Variants in RC3H2 observed in about 807,000 individuals in gnomAD.
RC3H2 encodes the protein ring finger and CCCH-type domains 2, also known as roquin-2.
RC3H2 carries 31 observed loss-of-function variants against 133.3 expected under a neutral mutation model. The ratio of observed to expected loss-of-function variants is 0.23; its 90% CI spans 0.17 to 0.31. RC3H2 has a LOEUF of 0.31. Among genes scored for constraint, RC3H2 ranks in the 10% least tolerant of loss-of-function variants. The probability of loss-of-function intolerance (pLI) is 1.00; values close to 1 mark genes in which losing one functional copy is unlikely to be tolerated. For missense variants in RC3H2, 1,175 were observed against 1,437.2 expected (o/e 0.82, Z 2.95); for synonymous variants, 517 against 502.2 (o/e 1.03, Z -0.40).
At chr9:122,874,939 G>T in intron 9 of RC3H2, 1 of 434,200 alleles carries the variant, frequency 2.3e-6, no homozygotes, top group Non-Finnish European at 4.1e-6. Context: ...AGAAGAAAAT[G>T]GATTTTCAGC....
chr9:122,870,399 AACAAACAAACAAAC>A (rs1231818429), intron 9 of RC3H2, among the ~76,000 whole-genome samples: 3 of 132,870 alleles, frequency 2.3e-5, no homozygotes, highest in Non-Finnish European at 3.2e-5. Flanking sequence ...CAAACAAACA[AACAAACAAACAAAC>A]AAAAAAAAAA....
rs1292086768 is a variant in RC3H2 at position 122,860,013 on chromosome 9, T to C, written c.1753A>G (p.Arg585Gly). The change falls in exon 11 of 21, where the codon AGA becomes GGA. Residue 585 changes from arginine (R) to glycine (G), a missense_variant. Physicochemically the swap from Arg to Gly is moderately radical, Grantham distance 125. Around this residue, in one of 8 missense-constraint regions of RC3H2, gnomAD observed 490 missense variants for 492.8 expected, o/e 0.99. Transcript: ENST00000357244. Reference sequence around the variant, plus strand: ...GAATGCGGAGGATATACTGGTACTCTAGTTAGAAATGGGCTGGATTTTTGA... The same window carrying C: ...GAATGCGGAGGATATACTGGTACTCCAGTTAGAAATGGGCTGGATTTTTGA... ...VPQKSSPFLT[R>G]VPVYPPHSEN... is the part of the protein sequence containing the mutation. The C allele has an allele frequency of 6.2e-7, 1 of 1,614,124 alleles. No individual in the cohort carries two copies. The highest frequency in any genetic ancestry group is 1.7e-5 in the Admixed American group (1 of 60,020).
At chr9:122,867,253 G>A (rs2487385) in intron 9 of RC3H2, among the ~76,000 whole-genome samples, 17 of 99,960 alleles carry the variant, frequency 1.7e-4, no homozygotes, top group East Asian at 6.4e-4. Flanking sequence ...CCCCCCGCCC[G>A]GCCAGCCGCC....
chr9:122,850,173 C>A (rs1248476018), intron 20 of RC3H2, among the ~76,000 whole-genome samples: 2 of 152,006 alleles, frequency 1.3e-5, no homozygotes, highest in Non-Finnish European at 2.9e-5. Context: ...TGGGGTTTCA[C>A]CATGTTGGCC....
Position 122,857,936 on chromosome 9 carries a change from T to A in RC3H2, c.2441A>T (p.Asp814Val). The change falls in exon 13 of 21, where the codon GAC becomes GTC. Residue 814 changes from aspartate (D) to valine (V), a missense_variant. By Grantham distance (152) the Asp-to-Val change is radical. This residue lies in a region of RC3H2 where 490 missense variants were observed against 492.8 expected (regional missense o/e 0.99). Transcript: ENST00000357244. ...PTPPSPLFSVDFRADFSESVS... is the reference protein window; with the variant it reads ...PTPPSPLFSVVFRADFSESVS... ...AACCTTTCTTACATCCGCACGAAAG[T>A]CTACACTGAACAGAGGAGAAGGTGG... 6.2e-7 allele frequency: 1 copy of A among 1,613,548 alleles called. No homozygotes were observed. The highest frequency in any genetic ancestry group is 8.5e-7 in the Non-Finnish European group (1 of 1,179,790).
chr9:122,859,018 G>T lies in RC3H2; in HGVS notation c.1934C>A (p.Ser645Tyr). 1 of 1,613,886 alleles carries T rather than the reference G, an allele frequency of 6.2e-7. No homozygotes were observed. Among genetic ancestry groups the T allele is most frequent in the Non-Finnish European group, 8.5e-7 (1 of 1,179,830 alleles). The change falls in exon 12 of 21, where the codon TCC (serine) becomes TAC (tyrosine). Residue 645 changes from serine (S) to tyrosine (Y), a missense_variant. Ser to Tyr is a moderately radical substitution (Grantham distance 144). Coordinates refer to ENST00000357244, the MANE Select transcript of RC3H2 (RefSeq NM_001100588.3). ...TGGCATGGAAGCAGGTGGGAGGGAGGACTCTGGAACGTTATTGGACCTCAC... is the reference window on the plus strand; with the variant it reads ...TGGCATGGAAGCAGGTGGGAGGGAGTACTCTGGAACGTTATTGGACCTCAC... ...RFVRSNNVPE[S>Y]SLPPASMPYA...
rs1292830149 is a variant in RC3H2, at chr9:122,905,335, A to T, written c.-293T>A. 1.4e-5 allele frequency: 13 copies of T among 948,162 alleles called. No homozygotes were observed. Among genetic ancestry groups the T allele is most frequent in the African/African-American group, 3.6e-5 (2 of 56,138 alleles). 58.7% of individuals were successfully genotyped at this position (948,162 alleles called of 1,614,324 possible). On this transcript the variant is annotated 5_prime_UTR_variant, in exon 1 of 21. Coordinates refer to ENST00000357244, the MANE Select transcript of RC3H2 (RefSeq NM_001100588.3). ...CCGCCTCCTCCTCCTCCTCCTCCTC[A>T]CCACGGAGGCGGACCTGGAGGGATC...
Position 122,851,182 on chromosome 9 carries a change from C to G in RC3H2, c.3279G>C (p.Leu1093Phe), listed in dbSNP as rs1035230809. The G allele has an allele frequency of 2.5e-6, 4 of 1,614,098 alleles. No individual in the cohort carries two copies. In the South Asian group the frequency reaches 4.4e-5, roughly 18 times the overall value. Residue 1093 changes from leucine (L) to phenylalanine (F), a missense_variant, in exon 20 of 21, where the codon TTG becomes TTC. Physicochemically the swap from Leu to Phe is conservative, Grantham distance 22 (BLOSUM62 0). Around this residue, in one of 8 missense-constraint regions of RC3H2, gnomAD observed 220 missense variants for 201.1 expected, o/e 1.09. Transcript: ENST00000357244. ...CATTTTCCACTGCCATTCCATTTAG[C>G]AACTGATCATTTTGAGAACTGATAC... ...QLGISSQNDQ[L>F]LNGMAVENGH...
At chr9:122,857,398 G>A (rs893393354) in intron 13 of RC3H2, among the ~76,000 whole-genome samples, 3 of 152,166 alleles carry the variant, frequency 2.0e-5, no homozygotes, top group Non-Finnish European at 4.4e-5. Context: ...GATGTAAAGA[G>A]CATAAATAAT....
chr9:122,850,891 T>C (rs149330930), intron 20 of RC3H2, among the ~76,000 whole-genome samples, 190 bp downstream of exon 20: 63 of 152,338 alleles, frequency 4.1e-4, no homozygotes, highest in Middle Eastern at 3.4e-3. Context: ...AAAAGCAAGT[T>C]TCAGGCTACC....
At position 122,854,239 on chromosome 9, in the gene RC3H2, A is replaced by G. The variant is rs1830160442; in HGVS notation, c.2928T>C (p.Ser976=). ...CAGTACTGGAATGCTTTCTATGACC[A>G]GATAAATCAGTAACAATGAATCTGT... is the stretch of plus-strand genomic sequence containing the variant. ...ERDRFIVTDL[S]GHRKHSSTGD... The change falls in exon 17 of 21, where the codon TCT becomes TCC. Residue 976 remains serine (S), a synonymous_variant. Coordinates refer to ENST00000357244, the MANE Select transcript of RC3H2 (RefSeq NM_001100588.3). The G allele has an allele frequency of 6.2e-7, 1 of 1,613,670 alleles. No individual in the cohort carries two copies. Among genetic ancestry groups the G allele is most frequent in the Non-Finnish European group, 8.5e-7 (1 of 1,179,796 alleles).
chr9:122,869,367 C>T (rs1036742369), intron 9 of RC3H2, among the ~76,000 whole-genome samples: 4 of 152,108 alleles, frequency 2.6e-5, no homozygotes, highest in Admixed American at 2.0e-4. Context: ...AATGCCTTCA[C>T]AATAGTTTCC....
intron 9 of RC3H2, among the ~76,000 whole-genome samples, chr9:122,866,436 G>A (rs1054285046): frequency 7.7e-6 from 1 of 129,344 alleles, no homozygotes; most frequent in Non-Finnish European, 1.6e-5. Flanking sequence ...CTCTTTCCAC[G>A]GTCTCCCTCT....
rs752719581 is a variant in RC3H2, at chr9:122,883,179, C to T, written c.759+25G>A. ...GTCTCTGTCTCACAAACAGGCATGT[C>T]TTTACATAGATACTTACTGCTTACC... On this transcript the variant is annotated intron_variant, in intron 5 of 20. Transcript: ENST00000357244. 2.5e-6 allele frequency: 4 copies of T among 1,600,962 alleles called. No individual in the cohort carries two copies. In the African/African-American group the frequency reaches 5.4e-5, roughly 22 times the overall value.
At chr9:122,852,275 G>C (rs564237556) in intron 18 of RC3H2, among the ~76,000 whole-genome samples, 2 of 150,002 alleles carry the variant, frequency 1.3e-5, no homozygotes, top group East Asian at 4.0e-4. Flanking sequence ...CGCCCCGTAT[G>C]AGAAGTGAGG....
intron 4 of RC3H2, 104 bp downstream of exon 4, chr9:122,890,208 T>C: frequency 1.3e-6 from 1 of 788,888 alleles, no homozygotes; most frequent in Non-Finnish European, 2.1e-6. Flanking sequence ...TCAAGATTTG[T>C]ACATATAAAG....
chr9:122,850,304 TA>T (rs1314052462), intron 20 of RC3H2, among the ~76,000 whole-genome samples: 2 of 152,014 alleles, frequency 1.3e-5, no homozygotes, highest in Non-Finnish European at 2.9e-5. Context: ...AAAGTTATGA[TA>T]AAAATTAAAA....
At chr9:122,899,369 C>T (rs985384741) in intron 1 of RC3H2, among the ~76,000 whole-genome samples, 10 of 151,798 alleles carry the variant, frequency 6.6e-5, no homozygotes, top group African/African-American at 2.2e-4. Context: ...GGATTGCAGG[C>T]GTGAGCCACC....
intron 4 of RC3H2, among the ~76,000 whole-genome samples, chr9:122,886,165 C>T (rs2131474557): frequency 6.6e-6 from 1 of 152,302 alleles, no homozygotes; most frequent in East Asian, 1.9e-4. Flanking sequence ...GCTGGGATTA[C>T]AGGTGTGAGC....
Sources: allele counts gnomAD v4.1 joint callset (sites outside exome capture counted in the v4.1 genomes callset), GRCh38; gene constraint gnomAD v4.1.1; regional missense constraint gnomAD v4.1.1; transcripts MANE v1.5; gene names NCBI Gene and HGNC (gene_info 2026-07-23, HGNC 2026-07-21).